Variants in CFAP95 observed in about 807,000 individuals in gnomAD.
The protein encoded by CFAP95 is cilia- and flagella-associated protein 95.
At chr9:69,893,699 T>A in the CFAP95 span, among the ~76,000 whole-genome samples, 7 of 152,228 alleles carry the variant, frequency 4.6e-5, no homozygotes, top group African/African-American at 1.7e-4. Context: ...CCTTGTATTC[T>A]AAAGTGTGGT....
the CFAP95 span, among the ~76,000 whole-genome samples, chr9:69,872,703 G>A: frequency 6.6e-6 from 1 of 152,084 alleles, no homozygotes; most frequent in Non-Finnish European, 1.5e-5. Flanking sequence ...TAGGCCTGGG[G>A]GCTGGGCACA....
chr9:69,873,664 A>C, the CFAP95 span, among the ~76,000 whole-genome samples: 2 of 152,214 alleles, frequency 1.3e-5, no homozygotes, highest in African/African-American at 4.8e-5. Flanking sequence ...TCACGTACTC[A>C]CATTCAGACT....
At chr9:69,871,494 A>G in the CFAP95 span, among the ~76,000 whole-genome samples, 4 of 152,032 alleles carry the variant, frequency 2.6e-5, no homozygotes, top group Non-Finnish European at 4.4e-5. Context: ...TCTTGAACGT[A>G]TCAAGGCAAG....
chr9:69,822,706 T>G, the CFAP95 span, among the ~76,000 whole-genome samples: 1 of 152,164 alleles, frequency 6.6e-6, no homozygotes, highest in Admixed American at 6.5e-5. Flanking sequence ...CAGACATCAA[T>G]AGCAAAACCA....
the CFAP95 span, among the ~76,000 whole-genome samples, chr9:69,842,912 C>T: frequency 2.0e-5 from 3 of 152,170 alleles, no homozygotes; most frequent in Non-Finnish European, 4.4e-5. Context: ...GCTCTGCTGT[C>T]ATGCTCAGAG....
chr9:69,887,004 AT>A, the CFAP95 span: 4 of 753,832 alleles, frequency 5.3e-6, no homozygotes, highest in African/African-American at 3.6e-5. Flanking sequence ...AGCTTATGAT[AT>A]TTTACATTTA....
At chr9:69,867,416 G>C in the CFAP95 span, among the ~76,000 whole-genome samples, 5 of 152,140 alleles carry the variant, frequency 3.3e-5, no homozygotes, top group Non-Finnish European at 7.4e-5. Flanking sequence ...TGGAAAGTCA[G>C]GTTTCTCTGT....
the CFAP95 span, among the ~76,000 whole-genome samples, chr9:69,825,215 C>G: frequency 2.0e-5 from 3 of 152,156 alleles, no homozygotes; most frequent in Non-Finnish European, 4.4e-5. Context: ...AGCATGGCTT[C>G]TCAACAGAGT....
the CFAP95 span, among the ~76,000 whole-genome samples, chr9:69,842,926 G>A: frequency 6.6e-6 from 1 of 152,184 alleles, no homozygotes; most frequent in African/African-American, 2.4e-5. Flanking sequence ...CTCAGAGGTG[G>A]GGAGGCAGGA....
the CFAP95 span, among the ~76,000 whole-genome samples, chr9:69,826,254 C>T: frequency 6.6e-6 from 1 of 152,062 alleles, no homozygotes; most frequent in South Asian, 2.1e-4. Flanking sequence ...ACAGAAGCAC[C>T]CAGTTCCAAG....
At chr9:69,900,246 A>G in the CFAP95 span, among the ~76,000 whole-genome samples, 1 of 151,832 alleles carries the variant, frequency 6.6e-6, no homozygotes, top group South Asian at 2.1e-4. Context: ...CCCCTGAAAA[A>G]AGTATATTTT....
At chr9:69,894,587 T>C in the CFAP95 span, among the ~76,000 whole-genome samples, 4 of 152,190 alleles carry the variant, frequency 2.6e-5, no homozygotes, top group African/African-American at 9.7e-5. Context: ...TATCAACCTA[T>C]TGGAATTACA....
At chr9:69,893,387 A>G in the CFAP95 span, among the ~76,000 whole-genome samples, 5 of 152,244 alleles carry the variant, frequency 3.3e-5, no homozygotes, top group Non-Finnish European at 7.3e-5. Flanking sequence ...GCTTGCTGAA[A>G]AACAGAAAGA....
the CFAP95 span, among the ~76,000 whole-genome samples, chr9:69,833,555 T>C: frequency 6.6e-6 from 1 of 151,964 alleles, no homozygotes; most frequent in Admixed American, 6.6e-5. Context: ...GGTGAAAGAG[T>C]TTATCTGTGC....
chr9:69,870,283 G>A, the CFAP95 span, among the ~76,000 whole-genome samples: 2 of 152,280 alleles, frequency 1.3e-5, no homozygotes, highest in Middle Eastern at 3.4e-3. Flanking sequence ...TTTGTCTAAT[G>A]TATGAGACAG....
the CFAP95 span, among the ~76,000 whole-genome samples, chr9:69,839,814 G>A: frequency 1.1e-4 from 17 of 151,480 alleles, no homozygotes; most frequent in South Asian, 6.3e-4. Flanking sequence ...AGTGGCTCCC[G>A]CCTGTAATCC....
At chr9:69,902,993 T>C in the CFAP95 span, among the ~76,000 whole-genome samples, 1 of 152,364 alleles carries the variant, frequency 6.6e-6, no homozygotes, top group Admixed American at 6.5e-5. Context: ...TATGTTAGGA[T>C]GCTTTTAATA....
chr9:69,844,326 G>T, the CFAP95 span, among the ~76,000 whole-genome samples: 1 of 152,046 alleles, frequency 6.6e-6, no homozygotes, highest in Non-Finnish European at 1.5e-5. Context: ...ACTTATGCTA[G>T]GTTGCTTTTA....
At chr9:69,906,023 G>C in the CFAP95 span, 1 of 1,613,120 alleles carries the variant, frequency 6.2e-7, no homozygotes, top group African/African-American at 1.3e-5. Flanking sequence ...GGATCTAAAT[G>C]GTTCTAAAAG....
Sources: allele counts gnomAD v4.1 joint callset (sites outside exome capture counted in the v4.1 genomes callset), GRCh38; gene constraint gnomAD v4.1.1; transcripts MANE v1.5; gene names NCBI Gene and HGNC (gene_info 2026-07-23, HGNC 2026-07-21).